The following ALMS1 variants were observed in gnomAD, a reference collection of about 807,000 sequenced individuals.
The protein encoded by ALMS1 is centrosome-associated protein ALMS1.
ALMS1 carries 271 observed loss-of-function variants against 352.2 expected under a neutral mutation model. The observed-to-expected ratio is 0.77, with a 90% CI of 0.70 to 0.85. The LOEUF is 0.85. ALMS1 is among the 40% of genes least tolerant of loss of function. The pLI is 0.00. For missense variants in ALMS1, 5,445 were observed against 4,870.7 expected (o/e 1.12, Z -3.51); for synonymous variants, 1,865 against 1,761.2 (o/e 1.06, Z -1.48).
intron 10 of ALMS1, among the ~76,000 whole-genome samples, chr2:73,506,679 G>A (rs1014723463): frequency 1.3e-5 from 2 of 152,158 alleles, no homozygotes; most frequent in African/African-American, 2.4e-5. Flanking sequence ...GAGTTTTTGG[G>A]CTGAGATGAT....
At chr2:73,401,101 C>A (rs1194620323) in intron 1 of ALMS1, among the ~76,000 whole-genome samples, 1 of 152,108 alleles carries the variant, frequency 6.6e-6, no homozygotes, top group Admixed American at 6.6e-5. Context: ...TTTTGATGTT[C>A]ATAATTTGCA....
Position 73,557,363 on chromosome 2 carries a change from A to G in ALMS1, c.10213+9A>G. On this transcript the variant is annotated intron_variant, in intron 14 of 22. Transcript: ENST00000613296. Reference sequence around the variant, plus strand: ...GCAGAAAGATACTGCAGGTAGCTAAACTGGATTGTCTGCGTATTATTTTCT... The same window carrying G: ...GCAGAAAGATACTGCAGGTAGCTAAGCTGGATTGTCTGCGTATTATTTTCT... The G allele has an allele frequency of 6.2e-7, 1 of 1,614,090 alleles. No homozygotes were observed. Among genetic ancestry groups the G allele is most frequent in the Non-Finnish European group, 8.5e-7 (1 of 1,179,980 alleles).
At position 73,451,276 on chromosome 2, in the gene ALMS1, G is replaced by A. The variant is rs749067384; in HGVS notation, c.4749G>A (p.Gln1583=). 6.8e-6 allele frequency: 11 copies of A among 1,613,960 alleles called. No individual in the cohort carries two copies. Among genetic ancestry groups the A allele is most frequent in the Non-Finnish European group, 9.3e-6 (11 of 1,179,970 alleles). ...FGEKPIVNYK[Q]AFPDGHLPEE... is the part of the protein sequence containing the mutation. ...AGAAGCCGATTGTTAACTACAAACA[G>A]GCCTTTCCAGATGGTCATCTACCTG... Residue 1583 remains glutamine (Q), a synonymous_variant, in exon 8 of 23, where the codon CAG becomes CAA. Coordinates refer to ENST00000613296, the MANE Select transcript of ALMS1 (RefSeq NM_001378454.1).
chr2:73,608,216 TC>T lies in ALMS1; in HGVS notation c.12363-253del, dbSNP rs575836475. 1.8e-3 allele frequency among the ~76,000 whole-genome samples: 279 copies of T among 152,252 alleles called. 3 individuals carry two copies. Among genetic ancestry groups the T allele is most frequent in the African/African-American group, 6.4e-3 (267 of 41,554 alleles). Reference sequence around the variant, plus strand: ...CTCTCCTTCATTTATCTCACTCCTTTCCCCCCTTTATCCCACTTCTTTCCAC... The same window carrying T: ...CTCTCCTTCATTTATCTCACTCCTTTCCCCCTTTATCCCACTTCTTTCCAC... On this transcript the variant is annotated intron_variant, in intron 21 of 22. Transcript: ENST00000613296.
intron 2 of ALMS1, among the ~76,000 whole-genome samples, chr2:73,418,731 C>A (rs939414401): frequency 2.0e-5 from 3 of 152,162 alleles, no homozygotes; most frequent in African/African-American, 7.2e-5. Context: ...CAAAAGAGAG[C>A]TACATTTGAA....
Position 73,449,584 on chromosome 2 carries a change from T to G in ALMS1, c.3057T>G (p.Asp1019Glu). The part of the protein sequence containing the change: ...PSIFYQQEWP[D>E]SYATEKALKV... The stretch of plus-strand genomic sequence containing the variant: ...TTTTCTATCAACAGGAGTGGCCAGA[T>G]AGTTATGCAACTGAAAAGGCTCTGA... Residue 1019 changes from aspartate to glutamate, a missense_variant, in exon 8 of 23, where the codon GAT becomes GAG. Coordinates refer to ENST00000613296, the MANE Select transcript of ALMS1 (RefSeq NM_001378454.1). The G allele has an allele frequency of 1.2e-6, 2 of 1,614,018 alleles. No individual in the cohort carries two copies. The highest frequency in any genetic ancestry group is 2.2e-5 in the East Asian group (1 of 44,860).
At chr2:73,520,261 T>C (rs1380127838) in intron 11 of ALMS1, among the ~76,000 whole-genome samples, 1 of 152,218 alleles carries the variant, frequency 6.6e-6, no homozygotes, top group African/African-American at 2.4e-5. Flanking sequence ...CTTAGTTTTG[T>C]CTCATCATAT....
chr2:73,408,801 T>C (rs764757921), intron 2 of ALMS1, 54 bp downstream of exon 2: 3 of 1,574,928 alleles, frequency 1.9e-6, no homozygotes, highest in Non-Finnish European at 2.6e-6. Flanking sequence ...GCACAAGAAA[T>C]TCTGATTTAG....
At chr2:73,541,211 A>C (rs1290131989) in intron 12 of ALMS1, among the ~76,000 whole-genome samples, 1 of 152,208 alleles carries the variant, frequency 6.6e-6, no homozygotes, top group Non-Finnish European at 1.5e-5. Flanking sequence ...ACTCAGGATT[A>C]AGAAACTCAC....
intron 12 of ALMS1, among the ~76,000 whole-genome samples, chr2:73,537,352 A>G (rs1674050600): frequency 6.6e-6 from 1 of 152,192 alleles, no homozygotes; most frequent in African/African-American, 2.4e-5. Flanking sequence ...TATGCTCAGG[A>G]AAGACCCAAG....
chr2:73,419,833 T>C (rs1671251039), intron 3 of ALMS1, among the ~76,000 whole-genome samples: 2 of 152,216 alleles, frequency 1.3e-5, no homozygotes, highest in South Asian at 4.1e-4. Context: ...AACTGATTTA[T>C]TAGCTCTTTA....
intron 16 of ALMS1, among the ~76,000 whole-genome samples, chr2:73,593,850 C>T (rs573956367): frequency 1.1e-4 from 16 of 152,338 alleles, no homozygotes; most frequent in Non-Finnish European, 2.1e-4. Context: ...CACAGTCTTT[C>T]GTGACTGACT....
chr2:73,608,324 C>G lies in ALMS1; in HGVS notation c.12363-151C>G, dbSNP rs987797974. On this transcript the variant is annotated intron_variant, in intron 21 of 22. Coordinates refer to ENST00000613296, the MANE Select transcript of ALMS1 (RefSeq NM_001378454.1). ...GAGCCCCGGGCTAGGGTTTTCTGTG[C>G]TGGAGTATCTAACGGGGCCCAGGGC... is the stretch of plus-strand genomic sequence containing the variant. 4.4e-5 allele frequency: 29 copies of G among 663,976 alleles called. 1 individual carries two copies. In the South Asian group the frequency reaches 4.5e-4, roughly 10 times the overall value. The allele number at this position is 663,976 out of a possible 1,614,324, so 41.1% of individuals were successfully genotyped here.
chr2:73,435,767 A>G (rs927792573), intron 7 of ALMS1, among the ~76,000 whole-genome samples: 2 of 151,950 alleles, frequency 1.3e-5, no homozygotes, highest in African/African-American at 4.8e-5. Flanking sequence ...AATTTTTCAA[A>G]AAATTTTTTT....
intron 11 of ALMS1, among the ~76,000 whole-genome samples, chr2:73,520,984 C>G (rs1673663472): frequency 6.6e-6 from 1 of 152,026 alleles, no homozygotes; most frequent in Admixed American, 6.6e-5. Context: ...TCTACTTATA[C>G]AAAAAACTTG....
rs543869726 is a variant in ALMS1 at position 73,399,298 on chromosome 2, G to T, written c.325-9324G>T. ...CACTGTTGGACAGTGGTGAGAGGGT[G>T]TATTATGTCGTCATTGTGTTGCTAT... On this transcript the variant is annotated intron_variant, in intron 1 of 22. Transcript: ENST00000613296. Among the ~76,000 whole-genome samples the T allele has an allele frequency of 4.6e-5, 7 of 152,256 alleles. No individual in the cohort carries two copies. The South Asian group carries it at 1.5e-3, about 32-fold the overall frequency.
intron 15 of ALMS1, among the ~76,000 whole-genome samples, chr2:73,567,638 TA>T (rs1674830662): frequency 1.3e-5 from 2 of 152,288 alleles, no homozygotes; most frequent in South Asian, 4.1e-4. Flanking sequence ...GATCCATTTG[TA>T]AAAAGATGGA....
In ALMS1 at chr2:73,386,140, T is replaced by C. The variant is rs777177630; in HGVS notation, c.272T>C (p.Leu91Pro). The change falls in exon 1 of 23, where the codon CTG becomes CCG. Residue 91 changes from leucine to proline, a missense_variant. Leu to Pro is a moderately conservative substitution (Grantham distance 98, BLOSUM62 -3). Transcript: ENST00000613296. ...QAHPGRILPP[L>P]SPPQHRYSEG... ...CACCCCGGCAGGATTTTGCCTCCGCTGTCGCCCCCGCAGCACCGCTACTCG... is the reference window on the plus strand; with the variant it reads ...CACCCCGGCAGGATTTTGCCTCCGCCGTCGCCCCCGCAGCACCGCTACTCG... 1 of 1,561,432 alleles carries C rather than the reference T, an allele frequency of 6.4e-7. No individual in the cohort carries two copies. Among genetic ancestry groups the C allele is most frequent in the African/African-American group, 1.4e-5 (1 of 73,500 alleles).
chr2:73,426,344 G>A, intron 5 of ALMS1, 109 bp from the exon 6 acceptor site: 1 of 1,053,876 alleles, frequency 9.5e-7, no homozygotes, highest in East Asian at 2.4e-5. Flanking sequence ...AGTCGCCCAA[G>A]AGACATTGCT....
Sources: allele counts gnomAD v4.1 joint callset (sites outside exome capture counted in the v4.1 genomes callset), GRCh38; gene constraint gnomAD v4.1.1; transcripts MANE v1.5; gene names NCBI Gene and HGNC (gene_info 2026-07-23, HGNC 2026-07-21).